Variants in MTMR10 observed in about 807,000 individuals in gnomAD.
MTMR10 encodes the protein myotubularin-related protein 10.
MTMR10 carries 56 observed loss-of-function variants against 88.1 expected under a neutral mutation model. That is an observed-to-expected ratio of 0.64 (90% CI 0.51 to 0.79). MTMR10 has a LOEUF of 0.79. Among genes scored for constraint, MTMR10 ranks in the 30% least tolerant of loss-of-function variants. MTMR10 has a pLI of 0.00. For missense variants in MTMR10, 883 were observed against 924.7 expected (o/e 0.95, Z 0.58); for synonymous variants, 380 against 340.9 (o/e 1.11, Z -1.26).
At chr15:30,973,618 G>A (rs545393968) in intron 5 of MTMR10, among the ~76,000 whole-genome samples, 6 of 152,062 alleles carry the variant, frequency 3.9e-5, no homozygotes, top group Non-Finnish European at 8.8e-5. Flanking sequence ...ATACACACGC[G>A]CAAGCTTCCT....
Position 30,991,590 on chromosome 15 carries a change from GC to G in MTMR10, c.-85del. 1 of 1,450,360 alleles carries G rather than the reference GC, an allele frequency of 6.9e-7. No homozygotes were observed. The highest frequency in any genetic ancestry group is 9.1e-7 in the Non-Finnish European group (1 of 1,097,476). 89.8% of individuals were successfully genotyped at this position (1,450,360 alleles called of 1,614,324 possible). A position where few individuals can be genotyped will look rare whatever the true frequency, so the allele number is the denominator to read the frequency against. ...CGGGCGTAAAGCTCTCAGTGCGGCCGCCCAGGCCCTTTCTGCGGCCAGCCGA... is the reference window on the plus strand; with the variant it reads ...CGGGCGTAAAGCTCTCAGTGCGGCCGCCAGGCCCTTTCTGCGGCCAGCCGA... On this transcript the variant is annotated 5_prime_UTR_variant, in exon 1 of 16. Transcript: ENST00000435680.
In MTMR10 at chr15:30,939,080, C is replaced by G. The variant is rs192081807; in HGVS notation, c.*2390G>C. The G allele has an allele frequency of 3.0e-6, 3 of 985,276 alleles. No homozygotes were observed. The highest frequency in any genetic ancestry group is 6.1e-5 in the Admixed American group (1 of 16,262). The allele number at this position is 985,276 out of a possible 1,614,324, so 61.0% of individuals were successfully genotyped here. On this transcript the variant is annotated 3_prime_UTR_variant, in exon 16 of 16. Transcript: ENST00000435680. ...TTAGGCACAAAGGTTTTAGTTTTCT[C>G]GGGAAATCAAGTTTTAACCACTTGA...
Position 30,945,618 on chromosome 15 carries a change from G to A in MTMR10, c.1548+1512C>T, listed in dbSNP as rs547674918. 2.6e-4 allele frequency among the ~76,000 whole-genome samples: 40 copies of A among 152,330 alleles called. No individual in the cohort carries two copies. In the South Asian group the frequency reaches 8.1e-3, roughly 31 times the overall value. ...TGAAGGAGGCAAACAAGGCCAGGGG[G>A]AAAGCCTAGCTCGAGGCAGAGAGGG... On this transcript the variant is annotated intron_variant, in intron 14 of 15. Transcript: ENST00000435680.
At chr15:30,945,643 G>C (rs2140995826) in intron 14 of MTMR10, among the ~76,000 whole-genome samples, 1 of 152,282 alleles carries the variant, frequency 6.6e-6, no homozygotes, top group South Asian at 2.1e-4. Flanking sequence ...GGCAGAGAGG[G>C]GCCCCAAGAA....
the MTMR10 span, among the ~76,000 whole-genome samples, chr15:30,924,037 T>TG: frequency 6.6e-6 from 1 of 152,300 alleles, no homozygotes; most frequent in Non-Finnish European, 1.5e-5. Flanking sequence ...TCTCATCTAC[T>TG]TTTTGTGTCT....
chr15:30,959,758 T>C (rs1282779327), intron 7 of MTMR10, among the ~76,000 whole-genome samples: 2 of 152,256 alleles, frequency 1.3e-5, no homozygotes, highest in Non-Finnish European at 2.9e-5. Flanking sequence ...TCTAGAACTG[T>C]ACTAGAAGTT....
chr15:30,942,765 C>T (rs2063096659), intron 15 of MTMR10, 125 bp downstream of exon 15: 2 of 970,926 alleles, frequency 2.1e-6, no homozygotes, highest in Non-Finnish European at 2.9e-6. Context: ...AGGGAATGAC[C>T]CCTCAGAAAC....
At chr15:30,975,387 A>G (rs1595940348) in intron 3 of MTMR10, among the ~76,000 whole-genome samples, 1 of 152,222 alleles carries the variant, frequency 6.6e-6, no homozygotes, top group South Asian at 2.1e-4. Flanking sequence ...TTTAAAGCAC[A>G]AAGTCTACTA....
the MTMR10 span, chr15:30,930,723 A>T: frequency 1.3e-6 from 2 of 1,598,706 alleles, no homozygotes; most frequent in South Asian, 2.2e-5. Flanking sequence ...TAGCAACTGA[A>T]TCAGAGGCCA....
chr15:30,940,977 C>T lies in MTMR10; in HGVS notation c.*493G>A, dbSNP rs890757898. 4 of 1,119,338 alleles carry T rather than the reference C, an allele frequency of 3.6e-6. No homozygotes were observed. The highest frequency in any genetic ancestry group is 3.3e-6 in the Non-Finnish European group (3 of 907,062). The allele number at this position is 1,119,338 out of a possible 1,614,324, so 69.3% of individuals were successfully genotyped here. On this transcript the variant is annotated 3_prime_UTR_variant, in exon 16 of 16. Transcript: ENST00000435680. ...TGATCTAAAATCATAAATTCTGGCC[C>T]CAGAACACTGAACCTTCATCAGGTG...
chr15:30,974,378 T>G lies in MTMR10; in HGVS notation c.410A>C (p.Tyr137Ser). The G allele has an allele frequency of 6.2e-7, 1 of 1,609,026 alleles. No individual in the cohort carries two copies. Among genetic ancestry groups the G allele is most frequent in the Non-Finnish European group, 8.5e-7 (1 of 1,176,880 alleles). Reference protein sequence around the residue: ...LKFNPTELIIYCKDFRIVRFR... With the variant: ...LKFNPTELIISCKDFRIVRFR... Reference sequence around the variant, plus strand: ...TCTGACAATTCTGAAATCTTTACAATAAATAATTAACTCTGTTGGATTAAA... The same window carrying G: ...TCTGACAATTCTGAAATCTTTACAAGAAATAATTAACTCTGTTGGATTAAA... The change falls in exon 5 of 16, where the codon TAT becomes TCT. Residue 137 changes from tyrosine (Y) to serine (S), a missense_variant. Tyr to Ser is a moderately radical substitution (Grantham distance 144). Transcript: ENST00000435680.
chr15:30,991,187 T>C (rs557225863), intron 1 of MTMR10: 20 of 480,016 alleles, frequency 4.2e-5, no homozygotes, highest in African/African-American at 3.9e-4. Flanking sequence ...AAGGCTCCCC[T>C]GGGCCTCAAC....
the MTMR10 span, among the ~76,000 whole-genome samples, chr15:30,931,997 C>T: frequency 5.3e-5 from 8 of 150,248 alleles, no homozygotes; most frequent in South Asian, 4.2e-4. Context: ...CAGAGGTGGG[C>T]GGATCACGAG....
chr15:30,974,512 AC>A, intron 4 of MTMR10, 56 bp from the exon 5 acceptor site: 2 of 1,352,076 alleles, frequency 1.5e-6, no homozygotes, highest in Non-Finnish European at 2.0e-6. Context: ...TTTGTTACTC[AC>A]CCTTTAATAC....
intron 6 of MTMR10, among the ~76,000 whole-genome samples, chr15:30,967,229 A>G (rs1306747559): frequency 6.6e-6 from 1 of 152,160 alleles, no homozygotes; most frequent in Non-Finnish European, 1.5e-5. Context: ...AACAGGAGAC[A>G]CGGCTCTTTG....
chr15:30,991,340 G>T, intron 1 of MTMR10, 107 bp downstream of exon 1: 1 of 1,148,932 alleles, frequency 8.7e-7, no homozygotes, highest in Non-Finnish European at 1.2e-6. Context: ...GCTGTGGGCA[G>T]GGAGACGCGC....
chr15:30,959,020 CAG>C lies in MTMR10; in HGVS notation c.846+12_846+13del, dbSNP rs771547783. ...GGACGTCAGCATTCATAAAATCCAA[CAG>C]AAATCACTTACTGGCATCCTTCTCC... On this transcript the variant is annotated intron_variant, in intron 8 of 15. Coordinates refer to ENST00000435680, the MANE Select transcript of MTMR10 (RefSeq NM_017762.3). 1 of 1,613,708 alleles carries C rather than the reference CAG, an allele frequency of 6.2e-7. No individual in the cohort carries two copies. Among genetic ancestry groups the C allele is most frequent in the Non-Finnish European group, 8.5e-7 (1 of 1,179,672 alleles).
In MTMR10 at chr15:30,982,098, A is replaced by T. The variant is rs1368969785; in HGVS notation, c.122-5143T>A. On this transcript the variant is annotated intron_variant, in intron 2 of 15. Transcript: ENST00000435680. ...AAAAAAAAAGAAAAGAAAAAGAAAA[A>T]AAAGAAAATCAAATTCAATAGAAAA... is the stretch of plus-strand genomic sequence containing the variant. Among the ~76,000 whole-genome samples the T allele has an allele frequency of 3.9e-5, 6 of 152,010 alleles. No individual in the cohort carries two copies. The East Asian group carries it at 1.2e-3, about 29-fold the overall frequency.
At chr15:30,944,084 G>A (rs2063130167) in intron 14 of MTMR10, 1 of 914,552 alleles carries the variant, frequency 1.1e-6, no homozygotes, top group Non-Finnish European at 1.3e-6. Context: ...AATGTTATTA[G>A]GACAAGAATA....
Sources: allele counts gnomAD v4.1 joint callset (sites outside exome capture counted in the v4.1 genomes callset), GRCh38; gene constraint gnomAD v4.1.1; transcripts MANE v1.5; gene names NCBI Gene and HGNC (gene_info 2026-07-23, HGNC 2026-07-21).